The following MAGI1 variants were observed in gnomAD, a reference collection of about 807,000 sequenced individuals.
MAGI1 encodes membrane associated guanylate kinase, WW and PDZ domain containing 1.
MAGI1 carries 58 observed loss-of-function variants against 139.9 expected under a neutral mutation model. That is an observed-to-expected ratio of 0.41 (90% confidence interval 0.34 to 0.52). The LOEUF is 0.52. MAGI1 is among the 20% of genes least tolerant of loss of function. The probability of loss-of-function intolerance (pLI) is 0.12; values close to 1 mark genes in which losing one functional copy is unlikely to be tolerated. For synonymous variants in MAGI1, 812 were observed against 737.9 expected (o/e 1.10, Z -1.63); for missense variants, 1,874 against 1,901.6 (o/e 0.99, Z 0.27).
At chr3:65,374,528 G>A (rs1352322704) in intron 18 of MAGI1, among the ~76,000 whole-genome samples, 1 of 152,082 alleles carries the variant, frequency 6.6e-6, no homozygotes, top group Admixed American at 6.5e-5. Context: ...ATGTTGGCCA[G>A]GCTGGTCTCA....
At chr3:65,973,633 A>T (rs1024185511) in intron 1 of MAGI1, among the ~76,000 whole-genome samples, 2 of 152,206 alleles carry the variant, frequency 1.3e-5, no homozygotes, top group South Asian at 4.1e-4. Context: ...TTCACCTTCA[A>T]TTCTTACTGA....
Position 65,430,661 on chromosome 3 carries a change from T to C in MAGI1, c.1546+38A>G, listed in dbSNP as rs1430271623. 51 of 1,594,222 alleles carry C rather than the reference T, an allele frequency of 3.2e-5. No individual in the cohort carries two copies. In the East Asian group the frequency reaches 1.1e-3, roughly 34 times the overall value. ...CATGTTTATCTCCTGGATTGGAGTC[T>C]CACCACACAGAACACACTAAGGCCA... On this transcript the variant is annotated intron_variant, in intron 11 of 22. Transcript: ENST00000402939.
intron 2 of MAGI1, among the ~76,000 whole-genome samples, chr3:65,613,513 T>G (rs1576481890): frequency 1.3e-5 from 2 of 152,232 alleles, no homozygotes; most frequent in African/African-American, 4.8e-5. Flanking sequence ...TTTGAATCTA[T>G]TAACAGACAC....
chr3:65,788,325 T>G (rs749543475), intron 1 of MAGI1, among the ~76,000 whole-genome samples: 1 of 152,230 alleles, frequency 6.6e-6, no homozygotes, highest in Non-Finnish European at 1.5e-5. Flanking sequence ...TAAAGGAGAA[T>G]GGACTAGCCA....
chr3:65,389,224 A>AT (rs997166286), intron 14 of MAGI1, among the ~76,000 whole-genome samples: 12 of 151,568 alleles, frequency 7.9e-5, no homozygotes, highest in African/African-American at 2.2e-4. Flanking sequence ...TATTTTCCTA[A>AT]TTTTTTTTTC....
At chr3:65,669,573 C>T (rs573934567) in intron 1 of MAGI1, among the ~76,000 whole-genome samples, 28 of 152,336 alleles carry the variant, frequency 1.8e-4, no homozygotes, top group African/African-American at 6.0e-4. Context: ...TTTGCTTTGA[C>T]TAAACCACTT....
At chr3:65,992,349 A>G (rs1325682546) in intron 1 of MAGI1, among the ~76,000 whole-genome samples, 2 of 152,238 alleles carry the variant, frequency 1.3e-5, no homozygotes, top group Non-Finnish European at 2.9e-5. Context: ...TATTTAGTAC[A>G]AGTATTTCCT....
At position 65,527,649 on chromosome 3, in the gene MAGI1, C is replaced by CG. The variant is rs1325205696; in HGVS notation, c.431-34019dup. On this transcript the variant is annotated intron_variant, in intron 2 of 22. Transcript: ENST00000402939. ...CTGAGGCAAGAGAACAGTGTGAACC[C>CG]GGGGGGCAGAGCTTGCAGTGAGCCG... Among the ~76,000 whole-genome samples, 19 of 152,164 alleles carry CG rather than the reference C, an allele frequency of 1.2e-4. No homozygotes were observed. The East Asian group carries it at 3.3e-3, about 26-fold the overall frequency.
chr3:65,869,096 A>T (rs2059827701), intron 1 of MAGI1, among the ~76,000 whole-genome samples: 1 of 151,810 alleles, frequency 6.6e-6, no homozygotes, highest in Non-Finnish European at 1.5e-5. Context: ...TCTACTAAAA[A>T]TACAAAAAAT....
At chr3:65,393,058 C>A (rs190257956) in intron 13 of MAGI1, among the ~76,000 whole-genome samples, 1 of 152,184 alleles carries the variant, frequency 6.6e-6, no homozygotes, top group Non-Finnish European at 1.5e-5. Flanking sequence ...CATAATCCCA[C>A]GTCACCATTT....
At chr3:65,913,572 T>C (rs1299822024) in intron 1 of MAGI1, among the ~76,000 whole-genome samples, 1 of 152,196 alleles carries the variant, frequency 6.6e-6, no homozygotes, top group Non-Finnish European at 1.5e-5. Context: ...GTTAGTTCAC[T>C]AATTTGGGAA....
chr3:65,839,016 G>C (rs996155251), intron 1 of MAGI1, among the ~76,000 whole-genome samples: 15 of 152,144 alleles, frequency 9.9e-5, no homozygotes, highest in Non-Finnish European at 1.5e-4. Context: ...CATCTGTGTT[G>C]TCTTTTGCCC....
chr3:65,647,318 A>T (rs2085322408), intron 1 of MAGI1, among the ~76,000 whole-genome samples: 1 of 152,188 alleles, frequency 6.6e-6, no homozygotes, highest in Non-Finnish European at 1.5e-5. Context: ...TATAAAATAT[A>T]TAATTTGGAC....
At chr3:65,700,703 T>C (rs1001992100) in intron 1 of MAGI1, among the ~76,000 whole-genome samples, 5 of 152,114 alleles carry the variant, frequency 3.3e-5, no homozygotes, top group Admixed American at 6.5e-5. Context: ...GATCAACCAA[T>C]TAAAAAATGA....
intron 1 of MAGI1, among the ~76,000 whole-genome samples, chr3:65,654,771 AC>A (rs1335206915): frequency 6.6e-6 from 1 of 152,180 alleles, no homozygotes; most frequent in African/African-American, 2.4e-5. Flanking sequence ...CATGAAGTGA[AC>A]ATCTGTGTGG....
At chr3:65,412,908 C>T (rs1029283748) in intron 12 of MAGI1, among the ~76,000 whole-genome samples, 1 of 152,120 alleles carries the variant, frequency 6.6e-6, no homozygotes, top group Non-Finnish European at 1.5e-5. Context: ...AACACCAAAC[C>T]CTATAAGCTC....
chr3:65,997,639 G>C (rs2066520194), intron 1 of MAGI1, among the ~76,000 whole-genome samples: 1 of 152,068 alleles, frequency 6.6e-6, no homozygotes, highest in African/African-American at 2.4e-5. Flanking sequence ...CTGGGCGACA[G>C]AGCAAGACTC....
chr3:65,888,592 A>C (rs2060621590), intron 1 of MAGI1, among the ~76,000 whole-genome samples: 1 of 152,252 alleles, frequency 6.6e-6, no homozygotes, highest in South Asian at 2.1e-4. Context: ...ATTTAGAATT[A>C]AAACTAGCAA....
chr3:65,758,429 T>C (rs1016428918), intron 1 of MAGI1, among the ~76,000 whole-genome samples: 2 of 152,200 alleles, frequency 1.3e-5, no homozygotes, highest in Admixed American at 6.5e-5. Context: ...TTTCTGAAAA[T>C]AGCACTCTGG....
Sources: gnomAD v4.1 joint callset for allele counts (sites outside exome capture counted in the v4.1 genomes callset) on GRCh38, gnomAD v4.1.1 for gene constraint, MANE v1.5 for transcripts, NCBI Gene and HGNC (gene_info 2026-07-23, HGNC 2026-07-21) for gene names.